Variants in DYNC1I1 observed in about 807,000 individuals in gnomAD.
DYNC1I1 encodes cytoplasmic dynein 1 intermediate chain 1.
DYNC1I1 carries 43 observed loss-of-function variants against 86.6 expected under a neutral mutation model. The observed-to-expected ratio is 0.50, with a 90% CI of 0.39 to 0.64. The LOEUF is 0.64. Ranked by LOEUF, DYNC1I1 falls within the 30% of genes least tolerant of loss-of-function variation. The pLI, the probability that DYNC1I1 is intolerant of heterozygous loss-of-function variation, is 0.00. For synonymous variants in DYNC1I1, 262 were observed against 283.7 expected, an observed-to-expected ratio of 0.92 and a Z score of 0.77; for missense variants, 604 against 788.8, an observed-to-expected ratio of 0.77 and a Z score of 2.81.
At chr7:95,894,425 T>C (rs1488500) in intron 6 of DYNC1I1, among the ~76,000 whole-genome samples, 141,455 of 151,746 alleles carry the variant, frequency 0.93, 66,294 homozygotes, top group Non-Finnish European at 0.98. Context: ...CTAATACCCT[T>C]ACCTTGGGGG....
At chr7:95,978,846 A>G (rs1793378988) in intron 7 of DYNC1I1, among the ~76,000 whole-genome samples, 1 of 151,986 alleles carries the variant, frequency 6.6e-6, no homozygotes, top group Admixed American at 6.6e-5. Flanking sequence ...CCCAGGCTGC[A>G]GTGCAGCGAC....
intron 14 of DYNC1I1, 98 bp from the exon 15 acceptor site, chr7:96,075,959 T>C (rs1237877275): frequency 2.7e-6 from 4 of 1,504,616 alleles, no homozygotes; most frequent in Admixed American, 2.0e-5. Context: ...GGAAGTTTTA[T>C]GACACTTTGT....
intron 6 of DYNC1I1, among the ~76,000 whole-genome samples, chr7:95,970,128 G>A (rs1793127564): frequency 6.6e-6 from 1 of 152,138 alleles, no homozygotes; most frequent in African/African-American, 2.4e-5. Context: ...GTTGGTCCAA[G>A]GATAGGGTGG....
intron 7 of DYNC1I1, among the ~76,000 whole-genome samples, chr7:95,980,542 T>C (rs902498020): frequency 2.1e-5 from 3 of 146,052 alleles, no homozygotes; most frequent in Non-Finnish European, 3.0e-5. Context: ...CTGGCTTTTT[T>C]TTTTTTTTTT....
chr7:95,971,151 A>AGCTGAGAAATGTCTAG (rs2115585446), intron 6 of DYNC1I1, among the ~76,000 whole-genome samples: 1 of 152,270 alleles, frequency 6.6e-6, no homozygotes, highest in African/African-American at 2.4e-5. Flanking sequence ...TCCACTACAG[A>AGCTGAGAAATGTCTAG]GTCTGGAACC....
At chr7:96,071,651 G>A (rs1790163207) in intron 14 of DYNC1I1, among the ~76,000 whole-genome samples, 1 of 152,050 alleles carries the variant, frequency 6.6e-6, no homozygotes, top group Admixed American at 6.5e-5. Flanking sequence ...GACCATTCCT[G>A]TACTTTTTCT....
intron 6 of DYNC1I1, among the ~76,000 whole-genome samples, chr7:95,927,468 A>G (rs1379690225): frequency 6.6e-6 from 1 of 152,190 alleles, no homozygotes; most frequent in Non-Finnish European, 1.5e-5. Flanking sequence ...CCATTATTGG[A>G]TTAACTGAGA....
chr7:96,109,798 G>T (rs1387928170), intron 16 of DYNC1I1, among the ~76,000 whole-genome samples: 1 of 151,922 alleles, frequency 6.6e-6, no homozygotes, highest in Non-Finnish European at 1.5e-5. Flanking sequence ...TAGTTTTATG[G>T]CCCATATTAT....
intron 5 of DYNC1I1, among the ~76,000 whole-genome samples, chr7:95,864,289 A>G (rs1789964091): frequency 1.3e-5 from 2 of 152,332 alleles, no homozygotes; most frequent in South Asian, 2.1e-4. Flanking sequence ...ATAATGTCCA[A>G]TCAAGGACAA....
At chr7:96,083,484 G>A (rs548446733) in intron 16 of DYNC1I1, among the ~76,000 whole-genome samples, 2 of 149,200 alleles carry the variant, frequency 1.3e-5, no homozygotes, top group Admixed American at 1.3e-4. Context: ...AAGGGCAAAT[G>A]CTGCCATTAC....
At chr7:96,096,370 G>C (rs1791005673) in intron 16 of DYNC1I1, among the ~76,000 whole-genome samples, 1 of 151,970 alleles carries the variant, frequency 6.6e-6, no homozygotes, top group Non-Finnish European at 1.5e-5. Flanking sequence ...AATGTTTATG[G>C]AATATGTGGA....
intron 1 of DYNC1I1, among the ~76,000 whole-genome samples, chr7:95,797,683 C>T (rs1311150326): frequency 2.0e-5 from 3 of 152,112 alleles, no homozygotes; most frequent in African/African-American, 7.2e-5. Flanking sequence ...TTCACATTGC[C>T]GCTAACCTTT....
At chr7:95,974,703 AT>A (rs1263471926) in intron 6 of DYNC1I1, among the ~76,000 whole-genome samples, 1 of 152,210 alleles carries the variant, frequency 6.6e-6, no homozygotes, top group Non-Finnish European at 1.5e-5. Context: ...CAGAATGAAA[AT>A]TAGAACAGAA....
chr7:96,037,201 A>C (rs1794946017), intron 13 of DYNC1I1, among the ~76,000 whole-genome samples: 2 of 152,218 alleles, frequency 1.3e-5, no homozygotes, highest in South Asian at 4.1e-4. Flanking sequence ...TGACTTAGGA[A>C]GATATGCCTC....
chr7:96,102,879 C>A (rs146784108), downstream of DYNC1I1, among the ~76,000 whole-genome samples: 567 of 152,262 alleles, frequency 3.7e-3, 2 homozygotes, highest in African/African-American at 0.013. Context: ...AAATGAAGTT[C>A]TTTGCCATAG....
chr7:96,053,331 T>C (rs1584281523), intron 14 of DYNC1I1, among the ~76,000 whole-genome samples: 1 of 152,346 alleles, frequency 6.6e-6, no homozygotes, highest in East Asian at 1.9e-4. Flanking sequence ...CACGACCTCA[T>C]CTGGAATGGA....
intron 10 of DYNC1I1, among the ~76,000 whole-genome samples, chr7:96,024,575 G>A (rs1016976763): frequency 8.6e-5 from 13 of 151,930 alleles, no homozygotes; most frequent in African/African-American, 3.1e-4. Flanking sequence ...TCATTTGTCT[G>A]CATTTTATTA....
At chr7:95,833,293 T>C (rs1383830803) in intron 5 of DYNC1I1, among the ~76,000 whole-genome samples, 2 of 147,796 alleles carry the variant, frequency 1.4e-5, no homozygotes, top group East Asian at 2.0e-4. Context: ...TATGCGGCAT[T>C]ATTTCTGAGG....
chr7:95,986,177 T>G (rs1261193441), intron 8 of DYNC1I1, among the ~76,000 whole-genome samples: 1 of 152,126 alleles, frequency 6.6e-6, no homozygotes, highest in African/African-American at 2.4e-5. Context: ...TCACCCAGTC[T>G]GAACAAGAGC....
Sources: gnomAD v4.1 joint callset for allele counts (sites outside exome capture counted in the v4.1 genomes callset) on GRCh38, gnomAD v4.1.1 for gene constraint, MANE v1.5 for transcripts, NCBI Gene and HGNC (gene_info 2026-07-23, HGNC 2026-07-21) for gene names.